The following CCDC171 variants were observed in gnomAD, a reference collection of about 807,000 sequenced individuals.
CCDC171 encodes the protein coiled-coil domain-containing protein 171.
CCDC171 carries 177 observed loss-of-function variants against 168.2 expected under a neutral mutation model. The observed-to-expected ratio is 1.05, with a 90% CI of 0.93 to 1.19. The LOEUF (loss-of-function observed/expected upper bound fraction) is 1.19. Among genes scored for constraint, CCDC171 ranks in the 50% most tolerant of loss-of-function variants. The probability of loss-of-function intolerance (pLI) is 0.00; values close to 1 mark genes in which losing one functional copy is unlikely to be tolerated. For missense variants in CCDC171, 1,991 were observed against 1,539.0 expected, an observed-to-expected ratio of 1.29 and a Z score of -4.91; for synonymous variants, 687 against 540.8, an observed-to-expected ratio of 1.27 and a Z score of -3.75.
intron 6 of CCDC171, among the ~76,000 whole-genome samples, chr9:15,595,240 T>A (rs1259733808): frequency 6.6e-6 from 1 of 152,110 alleles, no homozygotes; most frequent in East Asian, 1.9e-4. Flanking sequence ...GTTGGTGTGC[T>A]GCACCCATTA....
At chr9:15,630,006 C>G (rs1272243273) in intron 7 of CCDC171, among the ~76,000 whole-genome samples, 1 of 152,166 alleles carries the variant, frequency 6.6e-6, no homozygotes, top group Non-Finnish European at 1.5e-5. Flanking sequence ...CAGGCCTGCC[C>G]TGCAAGAGCT....
In CCDC171 at chr9:15,829,300, G is replaced by T. The variant is rs1375927214; in HGVS notation, c.3268-17402G>T. ...TAGATATAGGTTTTTACCTTTGAGGGATTAGCAAAGGCAGAAAGAAAAGCC... is the reference window on the plus strand; with the variant it reads ...TAGATATAGGTTTTTACCTTTGAGGTATTAGCAAAGGCAGAAAGAAAAGCC... On this transcript the variant is annotated intron_variant, in intron 21 of 25. Transcript: ENST00000380701. 3.3e-5 allele frequency among the ~76,000 whole-genome samples: 5 copies of T among 152,240 alleles called. No individual in the cohort carries two copies. The East Asian group carries it at 9.6e-4, about 29-fold the overall frequency.
At chr9:15,557,771 T>C (rs189148295) in intron 1 of CCDC171, among the ~76,000 whole-genome samples, 1 of 152,252 alleles carries the variant, frequency 6.6e-6, no homozygotes, top group Admixed American at 6.5e-5. Context: ...GTTCCAACAC[T>C]ATGTTGAATA....
intron 21 of CCDC171, among the ~76,000 whole-genome samples, chr9:15,809,765 G>A (rs1208268350): frequency 6.6e-6 from 1 of 152,158 alleles, no homozygotes; most frequent in Admixed American, 6.5e-5. Flanking sequence ...AAGATTTATT[G>A]CAAAGAGCGA....
chr9:15,936,390 C>G (rs1298422025), intron 25 of CCDC171, among the ~76,000 whole-genome samples: 38 of 151,912 alleles, frequency 2.5e-4, no homozygotes, highest in Admixed American at 2.5e-3. Flanking sequence ...TGTTAGAGTT[C>G]TCTAATCATC....
chr9:15,870,251 G>A (rs2061978896), intron 23 of CCDC171, among the ~76,000 whole-genome samples: 1 of 151,850 alleles, frequency 6.6e-6, no homozygotes, highest in Non-Finnish European at 1.5e-5. Flanking sequence ...AAGGAAGAAA[G>A]GGAAGCAGTA....
intron 6 of CCDC171, among the ~76,000 whole-genome samples, chr9:16,027,529 A>G (rs1246797127): frequency 6.6e-6 from 1 of 152,228 alleles, no homozygotes; most frequent in Non-Finnish European, 1.5e-5. Flanking sequence ...CGAGGAAGGA[A>G]AGAGAGTTAA....
chr9:15,592,599 C>T (rs2042078926), intron 5 of CCDC171, among the ~76,000 whole-genome samples: 1 of 151,712 alleles, frequency 6.6e-6, no homozygotes, highest in Non-Finnish European at 1.5e-5. Context: ...ATTCTTAGAC[C>T]CTGGAACAGT....
intron 6 of CCDC171, among the ~76,000 whole-genome samples, chr9:15,607,488 G>A (rs761043534): frequency 2.6e-5 from 4 of 151,664 alleles, no homozygotes; most frequent in Non-Finnish European, 5.9e-5. Flanking sequence ...TTTAGACAGG[G>A]TCTCACTCTG....
chr9:15,565,086 CTTTTT>C (rs34584445), intron 2 of CCDC171, among the ~76,000 whole-genome samples: 2 of 119,868 alleles, frequency 1.7e-5, no homozygotes, highest in Non-Finnish European at 1.7e-5. Context: ...CCACCCCCCA[CTTTTT>C]TTTTTTTTTT....
At chr9:15,697,003 C>T (rs1371840027) in intron 11 of CCDC171, among the ~76,000 whole-genome samples, 4 of 152,198 alleles carry the variant, frequency 2.6e-5, no homozygotes, top group African/African-American at 9.7e-5. Flanking sequence ...CCCTTCTCCC[C>T]TTGCTGATCC....
intron 3 of CCDC171, among the ~76,000 whole-genome samples, chr9:16,003,769 G>A (rs776116428): frequency 1.3e-5 from 2 of 152,140 alleles, no homozygotes; most frequent in Admixed American, 6.5e-5. Flanking sequence ...ACCATTAAGA[G>A]GTATTATATG....
upstream of CCDC171, among the ~76,000 whole-genome samples, chr9:16,037,860 A>G (rs1833501011): frequency 6.6e-6 from 1 of 152,156 alleles, no homozygotes; most frequent in Admixed American, 6.5e-5. Context: ...AAGTAGAAAT[A>G]GAAAATGAAG....
chr9:15,613,589 C>G (rs2043865426), intron 6 of CCDC171, among the ~76,000 whole-genome samples: 1 of 147,728 alleles, frequency 6.8e-6, no homozygotes, highest in Non-Finnish European at 1.5e-5. Context: ...GTGACACGGT[C>G]TTGGCTAACT....
intron 21 of CCDC171, among the ~76,000 whole-genome samples, chr9:15,810,596 G>C (rs1453059641): frequency 6.6e-6 from 1 of 152,178 alleles, no homozygotes; most frequent in Non-Finnish European, 1.5e-5. Flanking sequence ...GGTGCGGGCG[G>C]GCCGGCAGTG....
intron 7 of CCDC171, among the ~76,000 whole-genome samples, chr9:15,632,034 G>T (rs968377334): frequency 6.6e-6 from 1 of 152,086 alleles, no homozygotes; most frequent in African/African-American, 2.4e-5. Context: ...AATAATAAGA[G>T]CTCTTTATGA....
At chr9:15,903,255 G>A (rs1242322161) in intron 24 of CCDC171, among the ~76,000 whole-genome samples, 2 of 152,138 alleles carry the variant, frequency 1.3e-5, no homozygotes, top group South Asian at 2.1e-4. Flanking sequence ...CCTGACCCCC[G>A]AGTAGCCTAA....
At chr9:15,554,285 G>C (rs1421603151) in intron 1 of CCDC171, among the ~76,000 whole-genome samples, 31 of 152,196 alleles carry the variant, frequency 2.0e-4, no homozygotes, top group Admixed American at 2.0e-3. Flanking sequence ...CTCCCAAAGT[G>C]CTGGGATTAC....
chr9:15,862,366 A>G (rs2061597783), intron 23 of CCDC171, among the ~76,000 whole-genome samples: 1 of 148,982 alleles, frequency 6.7e-6, no homozygotes, highest in African/African-American at 2.5e-5. Context: ...TTGAATTTTT[A>G]GTTGAGTTAT....
Sources: gnomAD v4.1 joint callset for allele counts (sites outside exome capture counted in the v4.1 genomes callset) on GRCh38, gnomAD v4.1.1 for gene constraint, MANE v1.5 for transcripts, NCBI Gene and HGNC (gene_info 2026-07-23, HGNC 2026-07-21) for gene names.